The following BANP variants were observed in gnomAD, a reference collection of about 807,000 sequenced individuals.
BANP encodes BTG3 associated nuclear protein.
BANP carries 11 observed loss-of-function variants against 68.1 expected under a neutral mutation model. The observed-to-expected ratio is 0.16, with a 90% CI of 0.10 to 0.27. The LOEUF (loss-of-function observed/expected upper bound fraction) is 0.27. Ranked by LOEUF, BANP falls within the 10% of genes least tolerant of loss-of-function variation. BANP has a pLI of 1.00. For missense variants in BANP, 504 were observed against 722.7 expected, an observed-to-expected ratio of 0.70 and a Z score of 3.47; for synonymous variants, 329 against 303.2, an observed-to-expected ratio of 1.09 and a Z score of -0.88.
At chr16:88,026,097 A>G (rs1169266034) in intron 7 of BANP, among the ~76,000 whole-genome samples, 7 of 152,194 alleles carry the variant, frequency 4.6e-5, no homozygotes, top group Non-Finnish European at 1.0e-4. Context: ...TGTTGAATAC[A>G]GGGCATCTCT....
At chr16:87,964,484 A>G (rs1223004221) in intron 1 of BANP, among the ~76,000 whole-genome samples, 1 of 152,156 alleles carries the variant, frequency 6.6e-6, no homozygotes, top group East Asian at 1.9e-4. Context: ...CCGTGGTAGG[A>G]CCCTGAGCTG....
chr16:88,016,235 G>A (rs1320951918), intron 6 of BANP, among the ~76,000 whole-genome samples: 4 of 152,266 alleles, frequency 2.6e-5, no homozygotes, highest in African/African-American at 9.6e-5. Flanking sequence ...GTCCATGCAG[G>A]AGAAGCATGT....
intron 3 of BANP, among the ~76,000 whole-genome samples, chr16:87,982,960 CG>C (rs1177941966): frequency 1.3e-5 from 2 of 151,762 alleles, no homozygotes; most frequent in Admixed American, 6.5e-5. Context: ...CAATGTGGGC[CG>C]GCCTCCCGCT....
At chr16:88,021,869 C>T (rs1416894449) in intron 7 of BANP, among the ~76,000 whole-genome samples, 2 of 152,194 alleles carry the variant, frequency 1.3e-5, no homozygotes, top group African/African-American at 2.4e-5. Context: ...ATTTAAGTTT[C>T]TCCTTATTTG....
chr16:88,074,619 C>T (rs1323307084), intron 13 of BANP, among the ~76,000 whole-genome samples: 3 of 152,014 alleles, frequency 2.0e-5, no homozygotes, highest in Non-Finnish European at 4.4e-5. Flanking sequence ...GCCCCACTGT[C>T]CCCACCCACC....
intron 1 of BANP, among the ~76,000 whole-genome samples, chr16:87,953,329 T>C (rs2144419864): frequency 6.6e-6 from 1 of 152,314 alleles, no homozygotes; most frequent in South Asian, 2.1e-4. Context: ...GTTTACATCT[T>C]GAGTGGTTTC....
chr16:87,981,462 C>A (rs2063261715), intron 3 of BANP, among the ~76,000 whole-genome samples: 1 of 152,184 alleles, frequency 6.6e-6, no homozygotes, highest in South Asian at 2.1e-4. Context: ...GGATTTAAGG[C>A]CCACCCTAAT....
intron 12 of BANP, among the ~76,000 whole-genome samples, chr16:88,069,700 C>T: frequency 6.6e-6 from 1 of 152,236 alleles, no homozygotes; most frequent in East Asian, 1.9e-4. Flanking sequence ...GCCCCTTTGT[C>T]AGCACTCTGA....
At chr16:87,986,633 T>A (rs1476255980) in intron 4 of BANP, among the ~76,000 whole-genome samples, 1 of 152,210 alleles carries the variant, frequency 6.6e-6, no homozygotes, top group African/African-American at 2.4e-5. Flanking sequence ...TCCTGCTTTC[T>A]GAGGGTAACA....
At chr16:88,031,648 C>CA (rs1230300944) in intron 8 of BANP, among the ~76,000 whole-genome samples, 16,307 of 109,242 alleles carry the variant, frequency 0.15, 1,802 homozygotes, top group African/African-American at 0.34. Flanking sequence ...GACTCTCTCT[C>CA]AAAAAAAAAA....
chr16:87,963,657 G>C (rs1188247434), intron 1 of BANP, among the ~76,000 whole-genome samples: 1 of 152,192 alleles, frequency 6.6e-6, no homozygotes, highest in African/African-American at 2.4e-5. Flanking sequence ...TAAAAATACT[G>C]ACGGGAAAAA....
chr16:88,073,477 A>G (rs1160137962), intron 13 of BANP, among the ~76,000 whole-genome samples: 1 of 152,104 alleles, frequency 6.6e-6, no homozygotes, highest in Non-Finnish European at 1.5e-5. Context: ...TTGGTTCCAC[A>G]TTGTCGCCGA....
At position 88,064,048 on chromosome 16, in the gene BANP, C is replaced by A. The variant is rs1261563502; in HGVS notation, c.1312-1219C>A. Among the ~76,000 whole-genome samples the A allele has an allele frequency of 1.3e-5, 2 of 152,176 alleles. No individual in the cohort carries two copies. The highest frequency in any genetic ancestry group is 6.5e-5 in the Admixed American group (1 of 15,278). ...GAGGTACCGGGGCTTTTGTGGGGAA[C>A]AAAGGCACAGACATTGTTGCTGCCT... On this transcript the variant is annotated intron_variant, in intron 11 of 13. Transcript: ENST00000682872. This position sits in a 1 kb window ranked among gnomAD's most constrained non-coding sequence, Gnocchi z 4.5.
chr16:88,041,534 T>C (rs2080789107), intron 11 of BANP, among the ~76,000 whole-genome samples: 1 of 152,210 alleles, frequency 6.6e-6, no homozygotes, highest in African/African-American at 2.4e-5. Flanking sequence ...TGTGGTCAGT[T>C]TCATGTCCAT....
At position 88,004,800 on chromosome 16, in the gene BANP, G is replaced by A. The variant is rs2070489800; in HGVS notation, c.479+389G>A. On this transcript the variant is annotated intron_variant, in intron 5 of 13. Transcript: ENST00000682872. The surrounding 1 kb of genome is among the most constrained non-coding windows in gnomAD (Gnocchi z 7.0). Reference sequence around the variant, plus strand: ...CCCTCTCCCACGGTTGCTAAGTGGTGCAGGCATGTTGAGTTTATGACTTTT... The same window carrying A: ...CCCTCTCCCACGGTTGCTAAGTGGTACAGGCATGTTGAGTTTATGACTTTT... Among the ~76,000 whole-genome samples, 1 of 152,214 alleles carries A rather than the reference G, an allele frequency of 6.6e-6. No individual in the cohort carries two copies.
In BANP at chr16:88,025,331, A is replaced by T. The variant is rs1281661455; in HGVS notation, c.896-2152A>T. ...GTTGGGTTCCCCCATGACCACAGCC[A>T]GCGGCTGGGTTCCTCTGTGAGTCAC... On this transcript the variant is annotated intron_variant, in intron 7 of 13. Coordinates refer to ENST00000682872, the MANE Select transcript of BANP (RefSeq NM_001386991.1). 1.3e-5 allele frequency among the ~76,000 whole-genome samples: 2 copies of T among 152,240 alleles called. 1 individual carries two copies. The highest frequency in any genetic ancestry group is 4.1e-4 in the South Asian group (2 of 4,836).
chr16:88,035,254 G>A, intron 9 of BANP, 69 bp from the exon 10 acceptor site: 1 of 1,333,710 alleles, frequency 7.5e-7, no homozygotes, highest in Non-Finnish European at 1.1e-6. Context: ...AAACATTCCG[G>A]AAGATGTTTC....
At position 88,076,849 on chromosome 16, in the gene BANP, G is replaced by A. The variant is rs1483860428; in HGVS notation, c.*188G>A. 4 of 584,068 alleles carry A rather than the reference G, an allele frequency of 6.8e-6. No homozygotes were observed. The highest frequency in any genetic ancestry group is 3.4e-5 in the Admixed American group (1 of 29,528). The allele number at this position is 584,068 out of a possible 1,614,324, so 36.2% of individuals were successfully genotyped here. A position where few individuals can be genotyped will look rare whatever the true frequency, so the allele number is the denominator to read the frequency against. ...AGAGCAGCCGCCGCCGCCCCCAGCC[G>A]GAGACCCCTTTCGTTTGAGTCCTGC... On this transcript the variant is annotated 3_prime_UTR_variant, in exon 14 of 14. Transcript: ENST00000682872.
chr16:88,069,683 G>A (rs2089804003), intron 12 of BANP, among the ~76,000 whole-genome samples: 1 of 152,196 alleles, frequency 6.6e-6, no homozygotes, highest in Non-Finnish European at 1.5e-5. Context: ...GCACCCCAGG[G>A]CCAGCAGCCC....
Sources: allele counts gnomAD v4.1 joint callset (sites outside exome capture counted in the v4.1 genomes callset), GRCh38; gene constraint gnomAD v4.1.1; non-coding constraint Gnocchi (gnomAD v3.1); transcripts MANE v1.5; gene names NCBI Gene and HGNC (gene_info 2026-07-23, HGNC 2026-07-21).